PNO1: variants seen among roughly 807,000 people sequenced by gnomAD.
PNO1 encodes the protein RNA-binding protein PNO1.
PNO1 carries 16 observed loss-of-function variants against 28.4 expected under a neutral mutation model. The ratio of observed to expected loss-of-function variants is 0.56; its 90% CI spans 0.38 to 0.85. The LOEUF is 0.85. PNO1 is among the 40% of genes least tolerant of loss of function. The probability of loss-of-function intolerance (pLI) is 0.00; values close to 1 mark genes in which losing one functional copy is unlikely to be tolerated. For missense variants in PNO1, 304 were observed against 312.2 expected (o/e 0.97, Z 0.20); for synonymous variants, 115 against 110.8 (o/e 1.04, Z -0.24).
chr2:68,158,101 A>G lies in PNO1; in HGVS notation c.167A>G (p.Lys56Arg). The stretch of plus-strand genomic sequence containing the variant: ...GACACAGAGGAGGCCAGGCCGGCGA[A>G]GAGGCCCGTCTTCCCACCCCTCTGT... ...RMDTEEARPAKRPVFPPLCGD... is the reference protein window; with the variant it reads ...RMDTEEARPARRPVFPPLCGD... The change falls in exon 1 of 7, where the codon AAG becomes AGG. Residue 56 changes from lysine to arginine, a missense_variant. By Grantham distance (26) the Lys-to-Arg change is conservative. Transcript: ENST00000263657. The G allele has an allele frequency of 1.2e-6, 2 of 1,611,018 alleles. No individual in the cohort carries two copies. The highest frequency in any genetic ancestry group is 1.1e-5 in the South Asian group (1 of 90,880).
rs773294879 is a variant in PNO1 at position 68,157,954 on chromosome 2, C to G, written c.20C>G (p.Thr7Arg). Residue 7 changes from threonine (T) to arginine (R), a missense_variant, in exon 1 of 7, where the codon ACG becomes AGG. Coordinates refer to ENST00000263657, the MANE Select transcript of PNO1 (RefSeq NM_020143.4). Reference sequence around the variant, plus strand: ...CCGGGGATGGAATCCGAAATGGAAACGCAGAGCGCCAGGGCAGAGGAGGGC... The same window carrying G: ...CCGGGGATGGAATCCGAAATGGAAAGGCAGAGCGCCAGGGCAGAGGAGGGC... MESEMETQSARAEEGFT... is the reference protein window; with the variant it reads MESEMERQSARAEEGFT... 1.6e-4 allele frequency: 265 copies of G among 1,613,898 alleles called. 4 individuals are homozygous for G. In the Admixed American group the frequency reaches 4.3e-3, roughly 26 times the overall value.
At chr2:68,159,020 CA>C (rs1010238627) in intron 2 of PNO1, among the ~76,000 whole-genome samples, 127 of 152,120 alleles carry the variant, frequency 8.3e-4, no homozygotes, top group African/African-American at 2.8e-3. Flanking sequence ...TATGGAAAAC[CA>C]AATGTCCCAG....
chr2:68,159,994 A>G (rs1410017754), intron 2 of PNO1, among the ~76,000 whole-genome samples: 1 of 138,060 alleles, frequency 7.2e-6, no homozygotes, highest in Non-Finnish European at 1.5e-5. Flanking sequence ...TTTGAGATAG[A>G]GTCTTGCTCC....
At chr2:68,170,980 T>A (rs1032478691) in intron 5 of PNO1, among the ~76,000 whole-genome samples, 13 of 152,190 alleles carry the variant, frequency 8.5e-5, no homozygotes, top group African/African-American at 2.9e-4. Flanking sequence ...CTGCACACAC[T>A]CAGCCTTTCT....
chr2:68,166,425 GAA>G (rs1158117535), intron 5 of PNO1, among the ~76,000 whole-genome samples: 1 of 152,108 alleles, frequency 6.6e-6, no homozygotes, highest in East Asian at 1.9e-4. Context: ...ATAAGGAAGA[GAA>G]AATCTATCTA....
chr2:68,158,756 G>C (rs906106651), intron 2 of PNO1, among the ~76,000 whole-genome samples: 1 of 152,154 alleles, frequency 6.6e-6, no homozygotes, highest in Non-Finnish European at 1.5e-5. Context: ...CAAAATACTG[G>C]CTCTTCTTCT....
chr2:68,163,363 C>G (rs1401084320), intron 5 of PNO1, among the ~76,000 whole-genome samples: 1 of 152,096 alleles, frequency 6.6e-6, no homozygotes, highest in Non-Finnish European at 1.5e-5. Context: ...GAAACCCTCT[C>G]TCTACTAAAA....
intron 2 of PNO1, among the ~76,000 whole-genome samples, chr2:68,160,716 A>G (rs1572936328): frequency 6.6e-6 from 1 of 152,242 alleles, no homozygotes; most frequent in Non-Finnish European, 1.5e-5. Context: ...CTATTATACT[A>G]GTAGGGAACA....
rs755883159 is a variant in PNO1, at chr2:68,174,910, G to C, written c.*108G>C. 3 of 615,618 alleles carry C rather than the reference G, an allele frequency of 4.9e-6. No individual in the cohort carries two copies. Among genetic ancestry groups the C allele is most frequent in the Admixed American group, 2.8e-5 (1 of 35,366 alleles). 38.1% of individuals were successfully genotyped at this position (615,618 alleles called of 1,614,324 possible). A position where few individuals can be genotyped will look rare whatever the true frequency, so the allele number is the denominator to read the frequency against. ...ACAATTTCAGTCATTTGAAGCCTCC[G>C]TCCCTTCTTCCATTCTCAGCCAGAA... On this transcript the variant is annotated 3_prime_UTR_variant, in exon 7 of 7. Coordinates refer to ENST00000263657, the MANE Select transcript of PNO1 (RefSeq NM_020143.4).
At chr2:68,170,998 C>T (rs760166382) in intron 5 of PNO1, among the ~76,000 whole-genome samples, 13 of 152,244 alleles carry the variant, frequency 8.5e-5, no homozygotes, top group Non-Finnish European at 1.5e-5. Context: ...TCTGTCACTC[C>T]GATTTATTCT....
rs373413623 is a variant in PNO1 at position 68,163,904 on chromosome 2, A to C, written c.620+1241A>C. ...TTATATAATGCCATGAAGTTGGGAA[A>C]CTGAACAGTTGACTGAGAGGAGGAG... On this transcript the variant is annotated intron_variant, in intron 5 of 6. Coordinates refer to ENST00000263657, the MANE Select transcript of PNO1 (RefSeq NM_020143.4). Among the ~76,000 whole-genome samples, 12 of 152,264 alleles carry C rather than the reference A, an allele frequency of 7.9e-5. No homozygotes were observed. In the East Asian group the frequency reaches 1.7e-3, roughly 22 times the overall value.
In PNO1 at chr2:68,175,090, TCA is replaced by T. The variant is rs1307337352; in HGVS notation, c.*289_*290del. ...GCAGATTGCATAGTCTGTAATCCTC[TCA>T]GAGGGAAACTTCTTGTTTAAACAGC... On this transcript the variant is annotated 3_prime_UTR_variant, in exon 7 of 7. Coordinates refer to ENST00000263657, the MANE Select transcript of PNO1 (RefSeq NM_020143.4). 3.8e-6 allele frequency: 1 copy of T among 263,956 alleles called. No homozygotes were observed. The highest frequency in any genetic ancestry group is 2.2e-5 in the African/African-American group (1 of 45,364). 16.4% of individuals were successfully genotyped at this position (263,956 alleles called of 1,614,324 possible). A position where few individuals can be genotyped will look rare whatever the true frequency, so the allele number is the denominator to read the frequency against.
intron 2 of PNO1, chr2:68,161,420 C>T: frequency 2.1e-6 from 1 of 465,482 alleles, no homozygotes. Context: ...TTGCTGTTAA[C>T]CCCAAAATCT....
At chr2:68,173,489 A>G in intron 6 of PNO1, 72 bp downstream of exon 6, 1 of 923,210 alleles carries the variant, frequency 1.1e-6, no homozygotes, top group Non-Finnish European at 1.8e-6. Flanking sequence ...TCAAAACCAC[A>G]TTTGCAAAGC....
rs774785435 is a variant in PNO1, at chr2:68,157,910, C to T, written c.-25C>T. The T allele has an allele frequency of 2.5e-6, 4 of 1,605,534 alleles. No individual in the cohort carries two copies. The highest frequency in any genetic ancestry group is 2.2e-5 in the South Asian group (2 of 90,884). ...GGTGCAGCTGCGCACGTGTTTCAGC[C>T]GGCAGCGCTTTAAGATTTCCGGGGA... On this transcript the variant is annotated 5_prime_UTR_variant, in exon 1 of 7. Transcript: ENST00000263657.
chr2:68,164,820 T>G (rs1673933745), intron 5 of PNO1, among the ~76,000 whole-genome samples: 1 of 151,874 alleles, frequency 6.6e-6, no homozygotes, highest in Non-Finnish European at 1.5e-5. Flanking sequence ...ATTAATTAAT[T>G]TAAAATCCAT....
intron 5 of PNO1, among the ~76,000 whole-genome samples, chr2:68,163,366 T>C (rs1673886392): frequency 6.6e-6 from 1 of 152,006 alleles, no homozygotes; most frequent in Non-Finnish European, 1.5e-5. Flanking sequence ...ACCCTCTCTC[T>C]ACTAAAAATA....
In PNO1 at chr2:68,157,931, G is replaced by T; in HGVS notation, c.-4G>T. The T allele has an allele frequency of 3.1e-6, 5 of 1,613,564 alleles. No homozygotes were observed. The highest frequency in any genetic ancestry group is 3.4e-6 in the Non-Finnish European group (4 of 1,179,726). ...CAGCCGGCAGCGCTTTAAGATTTCC[G>T]GGGATGGAATCCGAAATGGAAACGC... On this transcript the variant is annotated 5_prime_UTR_variant, in exon 1 of 7. Transcript: ENST00000263657.
At chr2:68,166,435 C>G (rs377029223) in intron 5 of PNO1, among the ~76,000 whole-genome samples, 1 of 152,116 alleles carries the variant, frequency 6.6e-6, no homozygotes, top group Non-Finnish European at 1.5e-5. Flanking sequence ...GAAAATCTAT[C>G]TACTCTTCAT....
Sources: gnomAD v4.1 joint callset for allele counts (sites outside exome capture counted in the v4.1 genomes callset) on GRCh38, gnomAD v4.1.1 for gene constraint, MANE v1.5 for transcripts, NCBI Gene and HGNC (gene_info 2026-07-23, HGNC 2026-07-21) for gene names.